MROH7: variants seen among roughly 807,000 people sequenced by gnomAD.
MROH7 encodes maestro heat-like repeat-containing protein family member 7.
MROH7 carries 113 observed loss-of-function variants against 129.2 expected under a neutral mutation model. That is an observed-to-expected ratio of 0.87 (90% CI 0.75 to 1.02). MROH7 has a LOEUF of 1.02. MROH7 is among the 50% of genes least tolerant of loss of function. The pLI, the probability that MROH7 is intolerant of heterozygous loss-of-function variation, is 0.00. For synonymous variants in MROH7, 655 were observed against 667.9 expected, an observed-to-expected ratio of 0.98 and a Z score of 0.30; for missense variants, 1,601 against 1,671.3, an observed-to-expected ratio of 0.96 and a Z score of 0.73.
At position 54,709,976 on chromosome 1, in the gene MROH7, C is replaced by T. The variant is rs752642703; in HGVS notation, c.3761C>T (p.Ala1254Val). Residue 1254 changes from alanine to valine, a missense_variant, in exon 24 of 24, where the codon GCA (alanine) becomes GTA (valine). Ala to Val is a moderately conservative substitution (Grantham distance 64, BLOSUM62 0). Coordinates refer to ENST00000421030, the MANE Select transcript of MROH7 (RefSeq NM_001039464.4). ...GATAACTTGAGACATGACCCAGAAG[C>T]ATCAGTGTGCATCTACGCAGCCCAG... ...ALDNLRHDPEASVCIYAAQVQ... is the reference protein window; with the variant it reads ...ALDNLRHDPEVSVCIYAAQVQ... 7.4e-6 allele frequency: 12 copies of T among 1,614,022 alleles called. No individual in the cohort carries two copies. The highest frequency in any genetic ancestry group is 3.3e-5 in the South Asian group (3 of 91,088).
At chr1:54,700,582 GC>G in intron 18 of MROH7, 121 bp downstream of exon 18, 1 of 946,562 alleles carries the variant, frequency 1.1e-6, no homozygotes, top group Non-Finnish European at 1.6e-6. Context: ...TTCTATCTTA[GC>G]CTCAGTTGTC....
At position 54,678,892 on chromosome 1, in the gene MROH7, G is replaced by A. The variant is rs762099683; in HGVS notation, c.2049+38G>A. Reference sequence around the variant, plus strand: ...TGCCCATCCAGGAGCGGAGGGTGGGGGGTGAGGAGGGGCAGTGCCACCTGG... The same window carrying A: ...TGCCCATCCAGGAGCGGAGGGTGGGAGGTGAGGAGGGGCAGTGCCACCTGG... On this transcript the variant is annotated intron_variant, in intron 11 of 23. Coordinates refer to ENST00000421030, the MANE Select transcript of MROH7 (RefSeq NM_001039464.4). 83 of 1,487,462 alleles carry A rather than the reference G, an allele frequency of 5.6e-5. No individual in the cohort carries two copies. In the East Asian group the frequency reaches 1.9e-3, roughly 33 times the overall value. 92.1% of individuals were successfully genotyped at this position (1,487,462 alleles called of 1,614,324 possible).
rs1293867516 is a variant in MROH7 at position 54,699,159 on chromosome 1, T to TGTCTGTCTG, written c.2965-1162_2965-1161insGTCTGTCTG. On this transcript the variant is annotated intron_variant, in intron 17 of 23. Coordinates refer to ENST00000421030, the MANE Select transcript of MROH7 (RefSeq NM_001039464.4). ...CTTTCTTTCTTTCTTTCTTTCTTTC[T>TGTCTGTCTG]TTTCTTTCTTTCTTTCTTTCTTTCT... 8.9e-3 allele frequency: 587 copies of TGTCTGTCTG among 65,966 alleles called. 29 individuals carry two copies. The highest frequency in any genetic ancestry group is 0.032 in the African/African-American group (572 of 17,678). 4.1% of individuals were successfully genotyped at this position (65,966 alleles called of 1,614,324 possible).
intron 14 of MROH7, 26 bp from the exon 15 acceptor site, chr1:54,686,232 C>A (rs748305889): frequency 6.3e-7 from 1 of 1,591,106 alleles, no homozygotes; most frequent in Non-Finnish European, 8.6e-7. Flanking sequence ...CCACGACATC[C>A]CAGCAGCCTC....
In MROH7 at chr1:54,653,711, G is replaced by A. The variant is rs118026373; in HGVS notation, c.785G>A (p.Gly262Glu). 314 of 1,614,154 alleles carry A rather than the reference G, an allele frequency of 1.9e-4. 3 individuals are homozygous for A. The East Asian group carries it at 6.9e-3, about 36-fold the overall frequency. The change falls in exon 3 of 24, where the codon GGA becomes GAA. Residue 262 changes from glycine (G) to glutamate (E), a missense_variant. Physicochemically the swap from Gly to Glu is moderately conservative, Grantham distance 98. Coordinates refer to ENST00000421030, the MANE Select transcript of MROH7 (RefSeq NM_001039464.4). ...AATATCTCTGAGTCTGTTTCAAAAGGAGCCTTTAGTACCACCTGGAGCACA... is the reference window on the plus strand; with the variant it reads ...AATATCTCTGAGTCTGTTTCAAAAGAAGCCTTTAGTACCACCTGGAGCACA... ...SHNISESVSKGAFSTTWSTSS... is the reference protein window; with the variant it reads ...SHNISESVSKEAFSTTWSTSS...
chr1:54,679,283 G>T lies in MROH7; in HGVS notation c.2070G>T (p.Gly690=). Residue 690 remains glycine (G), a synonymous_variant, in exon 12 of 24, where the codon GGG becomes GGT. Transcript: ENST00000421030. ...RVIEEFGDFL[G]PQQIKDLLLA... is the part of the protein sequence containing the mutation. The stretch of plus-strand genomic sequence containing the variant: ...TTCAGGAATTTGGAGACTTCCTGGG[G>T]CCCCAGCAGATAAAGGACCTGCTGC... 6.2e-7 allele frequency: 1 copy of T among 1,614,194 alleles called. No homozygotes were observed.
At chr1:54,699,098 C>CTTT (rs1398016916) in intron 17 of MROH7, 3 of 40,790 alleles carry the variant, frequency 7.4e-5, no homozygotes, top group Admixed American at 2.5e-4. Context: ...CTGGCCTTTT[C>CTTT]TTTCTTTCTT....
intron 13 of MROH7, 129 bp downstream of exon 13, chr1:54,680,174 G>C: frequency 1.3e-6 from 1 of 773,314 alleles, no homozygotes; most frequent in South Asian, 1.6e-5. Flanking sequence ...CTGTGATCTG[G>C]GGTGTTTATG....
intron 8 of MROH7, 47 bp from the exon 9 acceptor site, chr1:54,673,654 G>A (rs1314834631): frequency 1.4e-6 from 2 of 1,442,836 alleles, no homozygotes; most frequent in African/African-American, 2.8e-5. Flanking sequence ...CAGCAGCAGG[G>A]GCTGTCATCT....
chr1:54,644,254 T>C, intron 1 of MROH7, among the ~76,000 whole-genome samples: 2 of 145,952 alleles, frequency 1.4e-5, no homozygotes, highest in Admixed American at 6.9e-5. Flanking sequence ...GGGAGGGGGG[T>C]CTATTTTCTC....
At chr1:54,690,144 G>A (rs1467806445) in intron 15 of MROH7, among the ~76,000 whole-genome samples, 1 of 152,166 alleles carries the variant, frequency 6.6e-6, no homozygotes, top group African/African-American at 2.4e-5. Flanking sequence ...AGTGTTTGGG[G>A]ACACAAGAGC....
intron 13 of MROH7, among the ~76,000 whole-genome samples, chr1:54,681,233 A>T: frequency 6.6e-6 from 1 of 152,184 alleles, no homozygotes. Flanking sequence ...CTTGGCCCTG[A>T]GTCTAGGAGC....
intron 10 of MROH7, 104 bp downstream of exon 10, chr1:54,674,255 A>G (rs1569917024): frequency 7.4e-7 from 1 of 1,342,462 alleles, no homozygotes; most frequent in African/African-American, 1.5e-5. Flanking sequence ...CACTGGTGGG[A>G]GATGGGGGAA....
intron 3 of MROH7, among the ~76,000 whole-genome samples, chr1:54,663,357 T>C (rs1644760112): frequency 6.6e-6 from 1 of 152,150 alleles, no homozygotes; most frequent in Non-Finnish European, 1.5e-5. Flanking sequence ...CTGACCAACA[T>C]GGCGAGAGCC....
intron 3 of MROH7, among the ~76,000 whole-genome samples, chr1:54,664,884 T>C (rs1054959281): frequency 6.6e-6 from 1 of 151,874 alleles, no homozygotes; most frequent in Non-Finnish European, 1.5e-5. Flanking sequence ...TGATGGCGGG[T>C]GCCTGTAATC....
intron 1 of MROH7, among the ~76,000 whole-genome samples, chr1:54,645,350 G>T (rs1397686418): frequency 6.6e-6 from 1 of 151,892 alleles, no homozygotes; most frequent in East Asian, 1.9e-4. Flanking sequence ...TGCAATCTTG[G>T]CTCACTGCAA....
chr1:54,642,002 G>A (rs761621813), intron 1 of MROH7, 34 bp downstream of exon 1: 2 of 152,234 alleles, frequency 1.3e-5, no homozygotes, highest in Non-Finnish European at 2.9e-5. Context: ...GCAGCCCAAG[G>A]CTCACAGAAA....
intron 16 of MROH7, 142 bp from the exon 17 acceptor site, chr1:54,695,234 C>T: frequency 1.6e-6 from 1 of 615,736 alleles, no homozygotes; most frequent in Non-Finnish European, 3.0e-6. Context: ...TCTGAGATCC[C>T]ACCCAGGTGG....
intron 4 of MROH7, among the ~76,000 whole-genome samples, chr1:54,666,355 T>A (rs1644814098): frequency 6.6e-6 from 1 of 151,496 alleles, no homozygotes; most frequent in Non-Finnish European, 1.5e-5. Context: ...TTATATACCA[T>A]TTTGAGGTTA....
Sources: gnomAD v4.1 joint callset for allele counts (sites outside exome capture counted in the v4.1 genomes callset) on GRCh38, gnomAD v4.1.1 for gene constraint, MANE v1.5 for transcripts, NCBI Gene and HGNC (gene_info 2026-07-23, HGNC 2026-07-21) for gene names.